PIK3AP1: variants seen among roughly 807,000 people sequenced by gnomAD.
The protein encoded by PIK3AP1 is phosphoinositide-3-kinase adaptor protein 1, also known as phosphoinositide 3-kinase adapter protein 1.
A neutral mutation model predicts 88.1 loss-of-function variants in PIK3AP1; 21 were observed. That is an observed-to-expected ratio of 0.24 (90% CI 0.17 to 0.34). The LOEUF (loss-of-function observed/expected upper bound fraction) is 0.34. Among genes scored for constraint, PIK3AP1 ranks in the 10% least tolerant of loss-of-function variants. PIK3AP1 has a pLI of 1.00. For synonymous variants in PIK3AP1, 398 were observed against 400.0 expected, an observed-to-expected ratio of 1.00 and a Z score of 0.06; for missense variants, 828 against 1,035.7, an observed-to-expected ratio of 0.80 and a Z score of 2.75.
intron 16 of PIK3AP1, among the ~76,000 whole-genome samples, chr10:96,600,532 G>C (rs183168154): frequency 7.4e-4 from 112 of 152,298 alleles, no homozygotes; most frequent in Admixed American, 1.1e-3. Flanking sequence ...TGCCCGGTGG[G>C]TGTGGCACAG....
chr10:96,610,863 C>T (rs769541181), intron 13 of PIK3AP1, among the ~76,000 whole-genome samples: 4 of 152,194 alleles, frequency 2.6e-5, no homozygotes, highest in South Asian at 4.1e-4. Context: ...AAGACTCCCC[C>T]GGCTGCCTGG....
intron 2 of PIK3AP1, among the ~76,000 whole-genome samples, chr10:96,673,904 C>T (rs687934): frequency 0.068 from 10,303 of 152,252 alleles, 484 homozygotes; most frequent in African/African-American, 0.13. Context: ...TTACTTTCCC[C>T]CACTTAGGCT....
intron 2 of PIK3AP1, among the ~76,000 whole-genome samples, chr10:96,671,149 C>T (rs1276469882): frequency 6.6e-6 from 1 of 152,180 alleles, no homozygotes; most frequent in Non-Finnish European, 1.5e-5. Context: ...CCTTAGAAAG[C>T]ACAAAAGGAA....
intron 11 of PIK3AP1, 91 bp downstream of exon 11, chr10:96,623,381 A>C: frequency 8.0e-7 from 1 of 1,252,414 alleles, no homozygotes; most frequent in Non-Finnish European, 1.1e-6. Context: ...TCTATTTTTC[A>C]ATGTCAAGGA....
chr10:96,648,259 GGGA>G (rs1843487995), intron 7 of PIK3AP1, among the ~76,000 whole-genome samples: 1 of 152,166 alleles, frequency 6.6e-6, no homozygotes, highest in Non-Finnish European at 1.5e-5. Context: ...AGGAGGTGGG[GGGA>G]GATGATCAGC....
intron 8 of PIK3AP1, among the ~76,000 whole-genome samples, chr10:96,635,603 C>T (rs1163052745): frequency 3.3e-5 from 5 of 152,166 alleles, no homozygotes; most frequent in East Asian, 1.9e-4. Flanking sequence ...TCAATACTGG[C>T]CAACTGGGGC....
intron 1 of PIK3AP1, among the ~76,000 whole-genome samples, chr10:96,718,390 C>A (rs1286129847): frequency 6.6e-6 from 1 of 152,230 alleles, no homozygotes; most frequent in East Asian, 1.9e-4. Context: ...AGCACCTTGG[C>A]GAGCGGCATT....
At chr10:96,656,956 T>G in intron 2 of PIK3AP1, 22 bp from the exon 3 acceptor site, 1 of 1,612,016 alleles carries the variant, frequency 6.2e-7, no homozygotes, top group African/African-American at 1.3e-5. Flanking sequence ...AGGACACCGC[T>G]GAATGGGAAC....
intron 1 of PIK3AP1, among the ~76,000 whole-genome samples, chr10:96,715,996 C>T (rs1028730744): frequency 6.6e-6 from 1 of 151,988 alleles, no homozygotes; most frequent in African/African-American, 2.4e-5. Context: ...ATGTCTCATT[C>T]CTGGCCAGGA....
At chr10:96,611,114 C>G (rs1849101335) in intron 13 of PIK3AP1, among the ~76,000 whole-genome samples, 1 of 152,200 alleles carries the variant, frequency 6.6e-6, no homozygotes, top group Non-Finnish European at 1.5e-5. Flanking sequence ...GATGAAGGAG[C>G]AGCGAGAGGA....
At chr10:96,706,377 A>T (rs1844364658) in intron 2 of PIK3AP1, among the ~76,000 whole-genome samples, 1 of 152,182 alleles carries the variant, frequency 6.6e-6, no homozygotes, top group South Asian at 2.1e-4. Context: ...AGTATTTTTT[A>T]AAAAGATGGG....
In PIK3AP1 at chr10:96,653,479, C is replaced by CG. The variant is rs1554958515; in HGVS notation, c.568-638_568-637insC. Among the ~76,000 whole-genome samples the CG allele has an allele frequency of 6.5e-5, 4 of 61,858 alleles. No homozygotes were observed. In the East Asian group the frequency reaches 2.7e-3, roughly 41 times the overall value. 40.6% of individuals were successfully genotyped at this position (61,858 alleles called of 152,430 possible). Reference sequence around the variant, plus strand: ...AACCTTAAGGCCGATACTTTATACACTTTTTTTTTTTTTTTTTTTTTTTTT... The same window carrying CG: ...AACCTTAAGGCCGATACTTTATACACGTTTTTTTTTTTTTTTTTTTTTTTTT... On this transcript the variant is annotated intron_variant, in intron 3 of 16. Transcript: ENST00000339364.
chr10:96,678,262 C>T (rs1430068503), intron 2 of PIK3AP1, among the ~76,000 whole-genome samples: 1 of 151,960 alleles, frequency 6.6e-6, no homozygotes, highest in African/African-American at 2.4e-5. Flanking sequence ...GATGAAACCC[C>T]GTCTCTACTA....
intron 2 of PIK3AP1, among the ~76,000 whole-genome samples, chr10:96,686,309 G>A (rs1844067181): frequency 6.6e-6 from 1 of 152,156 alleles, no homozygotes; most frequent in Non-Finnish European, 1.5e-5. Context: ...ATCTCTGAGA[G>A]CCCACACTGT....
At chr10:96,614,817 C>T (rs1282640664) in intron 13 of PIK3AP1, among the ~76,000 whole-genome samples, 1 of 148,020 alleles carries the variant, frequency 6.8e-6, no homozygotes. Flanking sequence ...CCTTCTAGAA[C>T]TCCATCACTG....
chr10:96,603,814 C>A, intron 15 of PIK3AP1, 165 bp downstream of exon 15: 1 of 660,480 alleles, frequency 1.5e-6, no homozygotes, highest in East Asian at 3.1e-5. Context: ...TGGCAACCAC[C>A]AATCTTCAAA....
chr10:96,629,516 G>T (rs1265761574), intron 8 of PIK3AP1, among the ~76,000 whole-genome samples: 1 of 151,790 alleles, frequency 6.6e-6, no homozygotes, highest in African/African-American at 2.4e-5. Context: ...CAATATACTA[G>T]ATAATTAATA....
intron 16 of PIK3AP1, among the ~76,000 whole-genome samples, chr10:96,599,961 C>A (rs1213717878): frequency 1.3e-5 from 2 of 152,018 alleles, no homozygotes; most frequent in Non-Finnish European, 2.9e-5. Flanking sequence ...AACCTGTTTC[C>A]CCGGTTGTCT....
intron 3 of PIK3AP1, among the ~76,000 whole-genome samples, chr10:96,655,768 C>T (rs898384534): frequency 6.6e-6 from 1 of 152,172 alleles, no homozygotes; most frequent in African/African-American, 2.4e-5. Context: ...TGCTGCCATC[C>T]ATGTAAGACA....
Sources: allele counts gnomAD v4.1 joint callset (sites outside exome capture counted in the v4.1 genomes callset), GRCh38; gene constraint gnomAD v4.1.1; transcripts MANE v1.5; gene names NCBI Gene and HGNC (gene_info 2026-07-23, HGNC 2026-07-21).